Variants in NSMF observed in about 807,000 individuals in gnomAD.
NSMF encodes the protein nasal embryonic LHRH factor.
NSMF carries 31 observed loss-of-function variants against 71.0 expected under a neutral mutation model. That is an observed-to-expected ratio of 0.44 (90% CI 0.33 to 0.59). NSMF has a LOEUF of 0.59. Among genes scored for constraint, NSMF ranks in the 20% least tolerant of loss-of-function variants. The probability of loss-of-function intolerance (pLI) is 0.04; values close to 1 mark genes in which losing one functional copy is unlikely to be tolerated. For missense variants in NSMF, 673 were observed against 740.5 expected, an observed-to-expected ratio of 0.91 and a Z score of 1.06; for synonymous variants, 345 against 287.1, an observed-to-expected ratio of 1.20 and a Z score of -2.04.
intron 4 of NSMF, among the ~76,000 whole-genome samples, chr9:137,455,990 T>C (rs1315417953): frequency 6.6e-6 from 1 of 152,222 alleles, no homozygotes; most frequent in African/African-American, 2.4e-5. Flanking sequence ...AAGCCAAATG[T>C]ATGTCAAGAC....
chr9:137,453,157 A>C lies in NSMF; in HGVS notation c.946T>G (p.Cys316Gly), dbSNP rs775330254. ...TCCTCGAAGGCCTCGTCCAGCGTGCAGTGGGAGCTCTGCAGGTCACTGCCT... is the reference window on the plus strand; with the variant it reads ...TCCTCGAAGGCCTCGTCCAGCGTGCCGTGGGAGCTCTGCAGGTCACTGCCT... ...RDSSDLQSSHCTLDEAFEDLD... is the reference protein window; with the variant it reads ...RDSSDLQSSHGTLDEAFEDLD... Residue 316 changes from cysteine to glycine, a missense_variant, in exon 9 of 16, where the codon TGC (cysteine) becomes GGC (glycine). By Grantham distance (159) the Cys-to-Gly change is radical (BLOSUM62 -3). This residue lies in a region of NSMF where 471 missense variants were observed against 459.6 expected (regional missense o/e 1.02). Transcript: ENST00000371475. The surrounding 1 kb of genome is among the most constrained non-coding windows in gnomAD (Gnocchi z 4.5). 9.9e-6 allele frequency: 16 copies of C among 1,612,520 alleles called. No individual in the cohort carries two copies. Among genetic ancestry groups the C allele is most frequent in the Non-Finnish European group, 8.5e-7 (1 of 1,179,890 alleles).
rs1303002051 is a variant in NSMF, at chr9:137,456,219, C to T, written c.704+192G>A. ...GACTGTGTGTGTGTGGGGGGGGGGGCTGGGCACCAGCCATGGGAGGGGAAG... is the reference window on the plus strand; with the variant it reads ...GACTGTGTGTGTGTGGGGGGGGGGGTTGGGCACCAGCCATGGGAGGGGAAG... On this transcript the variant is annotated intron_variant, in intron 4 of 15. Coordinates refer to ENST00000371475, the MANE Select transcript of NSMF (RefSeq NM_001130969.3). 7.1e-5 allele frequency among the ~76,000 whole-genome samples: 10 copies of T among 141,180 alleles called. No homozygotes were observed. The East Asian group carries it at 2.5e-3, about 35-fold the overall frequency. 92.6% of individuals were successfully genotyped at this position (141,180 alleles called of 152,430 possible). A position where few individuals can be genotyped will look rare whatever the true frequency, so the allele number is the denominator to read the frequency against.
At position 137,457,820 on chromosome 9, in the gene NSMF, G is replaced by A; in HGVS notation, c.215C>T (p.Ser72Phe). The A allele has an allele frequency of 1.9e-6, 3 of 1,556,846 alleles. No homozygotes were observed. Among genetic ancestry groups the A allele is most frequent in the Non-Finnish European group, 1.7e-6 (2 of 1,150,454 alleles). ...QPAPQNKRRL[S>F]LVSNGCYEGS... ...CTCGTAGCAGCCGTTGGAGACGAGG[G>A]ACAGGCGGCGCTTGTTCTGGGGGGC... is the stretch of plus-strand genomic sequence containing the variant. Residue 72 changes from serine (S) to phenylalanine (F), a missense_variant, in exon 3 of 16, where the codon TCC becomes TTC. This residue lies in a region of NSMF where 471 missense variants were observed against 459.6 expected (regional missense o/e 1.02). Coordinates refer to ENST00000371475, the MANE Select transcript of NSMF (RefSeq NM_001130969.3).
intron 1 of NSMF, 83 bp downstream of exon 1, chr9:137,458,949 G>T: frequency 9.1e-7 from 1 of 1,103,166 alleles, no homozygotes; most frequent in South Asian, 2.3e-5. Context: ...CGGGAGCCCG[G>T]GGAGCACCGC....
intron 7 of NSMF, among the ~76,000 whole-genome samples, chr9:137,454,179 C>G (rs1374667335): frequency 2.6e-3 from 10 of 3,838 alleles, no homozygotes; most frequent in African/African-American, 1.0e-2. Context: ...GGGGGCGTGG[C>G]TGGGAGGGGA....
intron 15 of NSMF, 43 bp from the exon 16 acceptor site, chr9:137,449,534 G>A: frequency 6.2e-7 from 1 of 1,611,008 alleles, no homozygotes; most frequent in Non-Finnish European, 8.5e-7. Context: ...GGCCGGCCCT[G>A]GGGATCCCAC....
chr9:137,455,327 C>A lies in NSMF; in HGVS notation c.711-20G>T, dbSNP rs1830778181. 1 of 1,612,198 alleles carries A rather than the reference C, an allele frequency of 6.2e-7. No individual in the cohort carries two copies. Among genetic ancestry groups the A allele is most frequent in the African/African-American group, 1.3e-5 (1 of 74,936 alleles). Reference sequence around the variant, plus strand: ...AACACCCTGGGAAACCACCGCGAGTCAGCACTGCCCTTGGCCGGAGGCAGG... The same window carrying A: ...AACACCCTGGGAAACCACCGCGAGTAAGCACTGCCCTTGGCCGGAGGCAGG... On this transcript the variant is annotated intron_variant, in intron 5 of 15. Transcript: ENST00000371475.
chr9:137,453,408 G>T lies in NSMF; in HGVS notation c.923-228C>A. On this transcript the variant is annotated intron_variant, in intron 8 of 15. Coordinates refer to ENST00000371475, the MANE Select transcript of NSMF (RefSeq NM_001130969.3). This position sits in a 1 kb window ranked among gnomAD's most constrained non-coding sequence, Gnocchi z 4.5. ...CTGGTGCGAGGCCGGTGGAAGGCGC[G>T]TGCAGGCATCAGCTCCAGCCAAGTC... is the stretch of plus-strand genomic sequence containing the variant. The T allele has an allele frequency of 1.6e-6, 1 of 637,224 alleles. No homozygotes were observed. The highest frequency in any genetic ancestry group is 1.9e-5 in the South Asian group (1 of 52,028). 39.5% of individuals were successfully genotyped at this position (637,224 alleles called of 1,614,324 possible). A position where few individuals can be genotyped will look rare whatever the true frequency, so the allele number is the denominator to read the frequency against.
rs1839751373 is a variant in NSMF, at chr9:137,448,952, G to C, written c.*442C>G. The C allele has an allele frequency of 3.2e-6, 1 of 310,260 alleles. No individual in the cohort carries two copies. Among genetic ancestry groups the C allele is most frequent in the South Asian group, 2.8e-5 (1 of 35,642 alleles). The allele number at this position is 310,260 out of a possible 1,614,324, so 19.2% of individuals were successfully genotyped here. On this transcript the variant is annotated 3_prime_UTR_variant, in exon 16 of 16. Coordinates refer to ENST00000371475, the MANE Select transcript of NSMF (RefSeq NM_001130969.3). The surrounding 1 kb of genome is among the most constrained non-coding windows in gnomAD (Gnocchi z 5.3). The stretch of plus-strand genomic sequence containing the variant: ...GGAGGGGGTGGGCAGGGAGGGTCCT[G>C]AACACATGTGGGCTGCTGGGCTGCT...
chr9:137,449,496 G>A lies in NSMF; in HGVS notation c.1496-5C>T, dbSNP rs775842585. On this transcript the variant is annotated splice_polypyrimidine_tract_variant and splice_region_variant and intron_variant, in intron 15 of 15. Transcript: ENST00000371475. ...ACGTCTCGATCATCTGCTTCCCTGG[G>A]CGGAGCGGGGGCAGGAGGCTCAGGC... 16 of 1,612,780 alleles carry A rather than the reference G, an allele frequency of 9.9e-6. No individual in the cohort carries two copies. In the East Asian group the frequency reaches 3.6e-4, roughly 36 times the overall value.
chr9:137,458,467 C>A (rs1415299002), intron 2 of NSMF, 21 bp downstream of exon 2: 8 of 1,566,164 alleles, frequency 5.1e-6, no homozygotes, highest in Non-Finnish European at 6.0e-6. Context: ...GCGGCCCTGG[C>A]ACGGCCTCGC....
intron 2 of NSMF, among the ~76,000 whole-genome samples, chr9:137,458,240 C>T (rs953450823): frequency 5.3e-5 from 8 of 152,182 alleles, no homozygotes; most frequent in African/African-American, 1.7e-4. Context: ...TGGTGCCAGC[C>T]CTGGGGGAGC....
At chr9:137,454,844 C>T (rs1393646091) in intron 6 of NSMF, 1 of 1,139,876 alleles carries the variant, frequency 8.8e-7, no homozygotes, top group Non-Finnish European at 1.2e-6. Flanking sequence ...GGCTGGGGGC[C>T]TGCAGGAGCC....
chr9:137,450,381 C>T (rs549873619), intron 12 of NSMF, 126 bp from the exon 13 acceptor site: 10 of 745,634 alleles, frequency 1.3e-5, no homozygotes, highest in Non-Finnish European at 2.1e-5. Context: ...TCCCCTTGAT[C>T]TCCCCCACCA....
At chr9:137,455,005 G>A (rs1588505242) in intron 6 of NSMF, 3 of 722,634 alleles carry the variant, frequency 4.2e-6, no homozygotes, top group Non-Finnish European at 7.6e-6. Context: ...GGGCCTTGCT[G>A]CTGGCCCCAG....
rs776060176 is a variant in NSMF at position 137,452,602 on chromosome 9, G to A, written c.1132-16C>T. On this transcript the variant is annotated splice_polypyrimidine_tract_variant and intron_variant, in intron 10 of 15. Coordinates refer to ENST00000371475, the MANE Select transcript of NSMF (RefSeq NM_001130969.3). The stretch of plus-strand genomic sequence containing the variant: ...GCTCATGGTCCTGGGGACAGACACA[G>A]GCCACAAGGCCACATCAAGGCTGCG... 6.2e-6 allele frequency: 10 copies of A among 1,611,084 alleles called. No homozygotes were observed. In the Admixed American group the frequency reaches 1.5e-4, roughly 24 times the overall value.
At chr9:137,449,843 G>A in intron 14 of NSMF, 80 bp downstream of exon 14, 1 of 1,399,512 alleles carries the variant, frequency 7.1e-7, no homozygotes, top group Non-Finnish European at 1.0e-6. Context: ...AAAAATGCCA[G>A]GAAACATGGA....
intron 3 of NSMF, among the ~76,000 whole-genome samples, chr9:137,456,914 C>T (rs553051142): frequency 2.9e-4 from 44 of 152,300 alleles, no homozygotes; most frequent in African/African-American, 1.1e-3. Flanking sequence ...TGTCCCCTTC[C>T]GAGGGCCCCC....
At chr9:137,450,297 C>A in intron 12 of NSMF, 42 bp from the exon 13 acceptor site, 1 of 1,525,422 alleles carries the variant, frequency 6.6e-7, no homozygotes, top group South Asian at 1.1e-5. Context: ...TCCTTCCTCC[C>A]CCTCTCCGAC....
Sources: allele counts gnomAD v4.1 joint callset (sites outside exome capture counted in the v4.1 genomes callset), GRCh38; gene constraint gnomAD v4.1.1; regional missense constraint gnomAD v4.1.1; non-coding constraint Gnocchi (gnomAD v3.1); transcripts MANE v1.5; gene names NCBI Gene and HGNC (gene_info 2026-07-23, HGNC 2026-07-21).